The following GPR141 variants were observed in gnomAD, a reference collection of about 807,000 sequenced individuals.
GPR141 encodes G protein-coupled receptor 141, also known as probable G protein-coupled receptor 141.
Under a neutral mutation model 6.8 loss-of-function variants are expected in GPR141, and 6 were observed. The observed-to-expected ratio is 0.88, with a 90% CI of 0.48 to 1.74. The LOEUF is 1.74. GPR141 is among the 40% of genes most tolerant of loss of function. The probability of loss-of-function intolerance (pLI) is 0.01; values close to 1 mark genes in which losing one functional copy is unlikely to be tolerated. For missense variants in GPR141, 372 were observed against 372.9 expected (o/e 1.00, Z 0.02); for synonymous variants, 140 against 142.3 (o/e 0.98, Z 0.11).
chr7:37,714,621 A>G (rs1454385577), intron 2 of GPR141, among the ~76,000 whole-genome samples: 5 of 152,346 alleles, frequency 3.3e-5, no homozygotes, highest in African/African-American at 1.2e-4. Context: ...AGTCAAACTA[A>G]TTTCAATTTA....
chr7:37,701,292 A>C (rs1008789058), intron 2 of GPR141, among the ~76,000 whole-genome samples: 8 of 152,236 alleles, frequency 5.3e-5, no homozygotes, highest in Admixed American at 3.3e-4. Flanking sequence ...ATAATAGGAA[A>C]TATAAATCAT....
intron 2 of GPR141, among the ~76,000 whole-genome samples, chr7:37,709,510 T>C (rs758256623): frequency 6.6e-6 from 1 of 152,228 alleles, no homozygotes; most frequent in Non-Finnish European, 1.5e-5. Flanking sequence ...AAGAGCATGA[T>C]TGCTATTAGT....
chr7:37,711,766 C>T (rs192138051), intron 2 of GPR141, among the ~76,000 whole-genome samples: 3 of 152,330 alleles, frequency 2.0e-5, no homozygotes, highest in African/African-American at 7.2e-5. Flanking sequence ...GTACTTCCTA[C>T]TGCATCTGTT....
rs556191692 is a variant in GPR141 at position 37,724,284 on chromosome 7, A to AT, written c.-14-16096_-14-16095insT. On this transcript the variant is annotated intron_variant, in intron 2 of 2. Coordinates refer to ENST00000334425, the MANE Select transcript of GPR141 (RefSeq NM_001381946.1). ...TAACTTTACTTGAAACTGCCTAAAAAATATATATATACATTTTTTTTTGCT... is the reference window on the plus strand; with the variant it reads ...TAACTTTACTTGAAACTGCCTAAAAATATATATATATACATTTTTTTTTGCT... Among the ~76,000 whole-genome samples, 408 of 152,198 alleles carry AT rather than the reference A, an allele frequency of 2.7e-3. 1 individual carries two copies. The highest frequency in any genetic ancestry group is 5.3e-3 in the Admixed American group (81 of 15,296).
At position 37,740,862 on chromosome 7, in the gene GPR141, A is replaced by G. The variant is rs1463825410; in HGVS notation, c.469A>G (p.Ile157Val). Residue 157 changes from isoleucine (I) to valine (V), a missense_variant, in exon 3 of 3, where the codon ATC becomes GTC. Ile to Val is a conservative substitution (Grantham distance 29). Transcript: ENST00000334425. The part of the protein sequence containing the change: ...VVPLVVSRYG[I>V]HEEYNEEHCF... ...ACCCCTGGTTGTCTCCCGGTATGGA[A>G]TCCATGAGGAATACAATGAGGAGCA... 4.3e-6 allele frequency: 7 copies of G among 1,614,104 alleles called. No individual in the cohort carries two copies. The highest frequency in any genetic ancestry group is 5.9e-6 in the Non-Finnish European group (7 of 1,179,952).
chr7:37,735,428 C>A (rs1010575222), intron 2 of GPR141, among the ~76,000 whole-genome samples: 1 of 152,104 alleles, frequency 6.6e-6, no homozygotes, highest in South Asian at 2.1e-4. Flanking sequence ...TTTATAAGAC[C>A]AGGATTTGAA....
intron 2 of GPR141, among the ~76,000 whole-genome samples, chr7:37,702,753 A>C (rs892984558): frequency 1.3e-4 from 19 of 148,870 alleles, no homozygotes; most frequent in Middle Eastern, 3.5e-3. Context: ...TAAATAAATA[A>C]ATAAATAAAA....
intron 2 of GPR141, among the ~76,000 whole-genome samples, chr7:37,733,366 A>T (rs1812068662): frequency 6.6e-6 from 1 of 152,158 alleles, no homozygotes; most frequent in Non-Finnish European, 1.5e-5. Context: ...GACGTGGATG[A>T]GGAAAACCAC....
At chr7:37,724,116 T>C (rs767181070) in intron 2 of GPR141, among the ~76,000 whole-genome samples, 6 of 152,082 alleles carry the variant, frequency 3.9e-5, no homozygotes, top group Non-Finnish European at 7.4e-5. Flanking sequence ...ACTTCCCTTG[T>C]AGGTAACCAG....
chr7:37,698,491 T>G (rs752467276), intron 2 of GPR141, among the ~76,000 whole-genome samples: 9 of 152,184 alleles, frequency 5.9e-5, no homozygotes, highest in Non-Finnish European at 1.2e-4. Flanking sequence ...TGGGGAATCT[T>G]GAGGCAACTT....
chr7:37,690,381 T>C (rs966667265), intron 2 of GPR141, among the ~76,000 whole-genome samples: 3 of 151,476 alleles, frequency 2.0e-5, no homozygotes, highest in Non-Finnish European at 4.4e-5. Flanking sequence ...AGCGAGAGGG[T>C]TTTCGCAAGA....
At chr7:37,739,937 ATAAG>A (rs1812443329) in intron 2 of GPR141, among the ~76,000 whole-genome samples, 1 of 152,178 alleles carries the variant, frequency 6.6e-6, no homozygotes, top group African/African-American at 2.4e-5. Context: ...TCATTTGCTA[ATAAG>A]TAAGAAAGAA....
intron 2 of GPR141, among the ~76,000 whole-genome samples, chr7:37,686,030 G>A (rs529416817): frequency 4.0e-5 from 6 of 151,862 alleles, no homozygotes; most frequent in South Asian, 2.1e-4. Context: ...ACAGGGCCTC[G>A]CTCTGTCTCC....
intron 2 of GPR141, among the ~76,000 whole-genome samples, chr7:37,740,018 T>C (rs1812450362): frequency 6.6e-6 from 1 of 152,200 alleles, no homozygotes; most frequent in Non-Finnish European, 1.5e-5. Context: ...TCGATCTTTC[T>C]ATCCATCTCA....
intron 2 of GPR141, among the ~76,000 whole-genome samples, chr7:37,710,762 A>G (rs1810759429): frequency 1.3e-5 from 2 of 152,238 alleles, no homozygotes; most frequent in Non-Finnish European, 2.9e-5. Context: ...GGACAGAGCT[A>G]GAAAGTAATA....
intron 2 of GPR141, among the ~76,000 whole-genome samples, chr7:37,695,963 C>A (rs1198904413): frequency 6.6e-6 from 1 of 152,122 alleles, no homozygotes; most frequent in East Asian, 1.9e-4. Flanking sequence ...AATATTTGTT[C>A]TTTTCCTTAA....
At chr7:37,699,758 T>C (rs1227743037) in intron 2 of GPR141, among the ~76,000 whole-genome samples, 1 of 152,222 alleles carries the variant, frequency 6.6e-6, no homozygotes, top group Non-Finnish European at 1.5e-5. Flanking sequence ...AATAAGTAAA[T>C]ATGTGTAATA....
At chr7:37,719,682 G>A (rs1220486532) in intron 2 of GPR141, among the ~76,000 whole-genome samples, 3 of 152,194 alleles carry the variant, frequency 2.0e-5, no homozygotes, top group Admixed American at 1.3e-4. Flanking sequence ...AGAATGTACA[G>A]TTCATAGGCA....
chr7:37,738,516 A>C (rs1236631881), intron 2 of GPR141, among the ~76,000 whole-genome samples: 2 of 152,230 alleles, frequency 1.3e-5, no homozygotes, highest in East Asian at 3.8e-4. Context: ...CTACGGATGA[A>C]ATACACAGTG....
Sources: gnomAD v4.1 joint callset for allele counts (sites outside exome capture counted in the v4.1 genomes callset) on GRCh38, gnomAD v4.1.1 for gene constraint, MANE v1.5 for transcripts, NCBI Gene and HGNC (gene_info 2026-07-23, HGNC 2026-07-21) for gene names.